The following ST6GALNAC3 variants were observed in gnomAD, a reference collection of about 807,000 sequenced individuals.
The protein encoded by ST6GALNAC3 is ST6 N-acetylgalactosaminide alpha-2,6-sialyltransferase 3.
Under a neutral mutation model 32.7 loss-of-function variants are expected in ST6GALNAC3, and 25 were observed. That is an observed-to-expected ratio of 0.76 (90% CI 0.56 to 1.07). The LOEUF (loss-of-function observed/expected upper bound fraction) is 1.07. ST6GALNAC3 is among the 50% of genes least tolerant of loss of function. The pLI is 0.00. For synonymous variants in ST6GALNAC3, 129 were observed against 133.1 expected (o/e 0.97, Z 0.21); for missense variants, 355 against 382.4 (o/e 0.93, Z 0.60).
chr1:76,399,348 A>C (rs927514057), intron 2 of ST6GALNAC3, among the ~76,000 whole-genome samples: 23 of 152,300 alleles, frequency 1.5e-4, no homozygotes, highest in African/African-American at 5.5e-4. Context: ...CCTAGAACTG[A>C]AATTTGTGTA....
chr1:76,101,072 A>G (rs1647213573), intron 1 of ST6GALNAC3, among the ~76,000 whole-genome samples: 1 of 152,084 alleles, frequency 6.6e-6, no homozygotes, highest in Non-Finnish European at 1.5e-5. Flanking sequence ...TTGGTGTTGT[A>G]CATCCTATGA....
chr1:76,523,715 C>T (rs1269657897), intron 3 of ST6GALNAC3, among the ~76,000 whole-genome samples: 4 of 152,134 alleles, frequency 2.6e-5, no homozygotes, highest in Non-Finnish European at 4.4e-5. Flanking sequence ...TGTCCCACTC[C>T]ACCACTCAGG....
At position 76,619,116 on chromosome 1, in the gene ST6GALNAC3, A is replaced by G. The variant is rs75683530; in HGVS notation, c.624-8336A>G. 5.2e-3 allele frequency among the ~76,000 whole-genome samples: 795 copies of G among 152,266 alleles called. 10 individuals carry two copies. Among genetic ancestry groups the G allele is most frequent in the African/African-American group, 0.018 (745 of 41,560 alleles). On this transcript the variant is annotated intron_variant, in intron 3 of 4. Transcript: ENST00000328299. Reference sequence around the variant, plus strand: ...AGTTATTTTGGGTACAGACAGGATAAGAGGGTATATAATACCATTCCTTCT... The same window carrying G: ...AGTTATTTTGGGTACAGACAGGATAGGAGGGTATATAATACCATTCCTTCT...
Position 76,173,091 on chromosome 1 carries a change from C to T in ST6GALNAC3, c.18+98207C>T, listed in dbSNP as rs1309300068. ...TGCCACCTGACTTCAAATTATACTA[C>T]AAGGCTACAGTAACCAAAACAGCAT... is the stretch of plus-strand genomic sequence containing the variant. On this transcript the variant is annotated intron_variant, in intron 1 of 4. Transcript: ENST00000328299. Among the ~76,000 whole-genome samples, 5 of 152,196 alleles carry T rather than the reference C, an allele frequency of 3.3e-5. 1 individual carries two copies.
chr1:76,177,494 T>G (rs1379775333), intron 1 of ST6GALNAC3, among the ~76,000 whole-genome samples: 2 of 152,162 alleles, frequency 1.3e-5, no homozygotes, highest in African/African-American at 2.4e-5. Flanking sequence ...TAGATCTTTA[T>G]TAAATACTGG....
At chr1:76,173,521 A>T (rs1191726360) in intron 1 of ST6GALNAC3, among the ~76,000 whole-genome samples, 1 of 152,230 alleles carries the variant, frequency 6.6e-6, no homozygotes, top group Non-Finnish European at 1.5e-5. Flanking sequence ...TGCACAGCAA[A>T]AGAAACTATT....
chr1:76,324,590 C>G (rs905336689), intron 2 of ST6GALNAC3, among the ~76,000 whole-genome samples: 1 of 152,178 alleles, frequency 6.6e-6, no homozygotes, highest in East Asian at 1.9e-4. Flanking sequence ...CTCCTCTAAA[C>G]TGTTCAGGTT....
intron 3 of ST6GALNAC3, among the ~76,000 whole-genome samples, chr1:76,553,652 T>C (rs1664759240): frequency 6.7e-6 from 1 of 149,512 alleles, no homozygotes; most frequent in Non-Finnish European, 1.5e-5. Context: ...TCTTATTCCC[T>C]TACAGCCACT....
At position 76,528,862 on chromosome 1, in the gene ST6GALNAC3, A is replaced by G. The variant is rs77944318; in HGVS notation, c.624-98590A>G. On this transcript the variant is annotated intron_variant, in intron 3 of 4. Coordinates refer to ENST00000328299, the MANE Select transcript of ST6GALNAC3 (RefSeq NM_152996.4). ...ATAACAAGGCAACATTAAGGAAGCT[A>G]TTAATATATTGAACATGACTGAAGC... 3.8e-4 allele frequency among the ~76,000 whole-genome samples: 57 copies of G among 150,948 alleles called. No homozygotes were observed. The East Asian group carries it at 0.011, about 28-fold the overall frequency.
At chr1:76,094,252 T>A (rs1647092434) in intron 1 of ST6GALNAC3, among the ~76,000 whole-genome samples, 1 of 152,136 alleles carries the variant, frequency 6.6e-6, no homozygotes, top group Non-Finnish European at 1.5e-5. Flanking sequence ...GCGAGGGAGA[T>A]CACGGTCAAG....
chr1:76,540,179 A>G (rs1663901654), intron 3 of ST6GALNAC3, among the ~76,000 whole-genome samples: 1 of 152,200 alleles, frequency 6.6e-6, no homozygotes, highest in Non-Finnish European at 1.5e-5. Flanking sequence ...TGCAGCCATA[A>G]AAAATACTGA....
chr1:76,192,072 C>T (rs1435743427), intron 1 of ST6GALNAC3, among the ~76,000 whole-genome samples: 3 of 152,060 alleles, frequency 2.0e-5, no homozygotes, highest in African/African-American at 4.8e-5. Context: ...ATTCAAAACA[C>T]CTTTCAGATA....
chr1:76,339,650 G>T (rs1432823996), intron 2 of ST6GALNAC3, among the ~76,000 whole-genome samples: 1 of 152,110 alleles, frequency 6.6e-6, no homozygotes, highest in African/African-American at 2.4e-5. Context: ...TCATTTATTT[G>T]TTCCTTTATT....
rs1178004990 is a variant in ST6GALNAC3, at chr1:76,605,861, T to TTAA, written c.624-21591_624-21590insTAA. Among the ~76,000 whole-genome samples, 5 of 58,898 alleles carry TTAA rather than the reference T, an allele frequency of 8.5e-5. No individual in the cohort carries two copies. The East Asian group carries it at 2.9e-3, about 35-fold the overall frequency. 38.6% of individuals were successfully genotyped at this position (58,898 alleles called of 152,430 possible). On this transcript the variant is annotated intron_variant, in intron 3 of 4. Coordinates refer to ENST00000328299, the MANE Select transcript of ST6GALNAC3 (RefSeq NM_152996.4). The stretch of plus-strand genomic sequence containing the variant: ...TCCTGGGTAATAGAGGGAGACTCCA[T>TTAA]AAAAAAAAAAAAAAAAAAAAAAAAA...
rs186439139 is a variant in ST6GALNAC3 at position 76,543,726 on chromosome 1, C to T, written c.624-83726C>T. On this transcript the variant is annotated intron_variant, in intron 3 of 4. Transcript: ENST00000328299. ...GCACCTCCCACAGACTCACAAAGGC[C>T]ATTTGCATAACTCCCATGCCTCCTA... 4.9e-4 allele frequency among the ~76,000 whole-genome samples: 74 copies of T among 152,236 alleles called. No individual in the cohort carries two copies. The Middle Eastern group carries it at 0.014, about 28-fold the overall frequency.
chr1:76,422,433 A>G (rs570616188), intron 3 of ST6GALNAC3, among the ~76,000 whole-genome samples: 1 of 152,050 alleles, frequency 6.6e-6, no homozygotes, highest in Non-Finnish European at 1.5e-5. Flanking sequence ...GGTCTGACTG[A>G]TTTTTATTCT....
At chr1:76,601,841 T>A (rs569591261) in intron 3 of ST6GALNAC3, among the ~76,000 whole-genome samples, 7 of 152,074 alleles carry the variant, frequency 4.6e-5, no homozygotes, top group Admixed American at 4.6e-4. Flanking sequence ...ACATGACCAG[T>A]TGAGAGCAAG....
chr1:76,342,951 A>C (rs760277411), intron 2 of ST6GALNAC3, among the ~76,000 whole-genome samples: 2 of 150,322 alleles, frequency 1.3e-5, no homozygotes, highest in Non-Finnish European at 3.0e-5. Flanking sequence ...GACTTAAGTT[A>C]ATCTTATAGA....
chr1:76,322,621 A>G (rs908577955), intron 2 of ST6GALNAC3, among the ~76,000 whole-genome samples: 1 of 152,194 alleles, frequency 6.6e-6, no homozygotes, highest in African/African-American at 2.4e-5. Context: ...GATGGCATCA[A>G]ATTGTGAGTT....
Sources: gnomAD v4.1 joint callset for allele counts (sites outside exome capture counted in the v4.1 genomes callset) on GRCh38, gnomAD v4.1.1 for gene constraint, MANE v1.5 for transcripts, NCBI Gene and HGNC (gene_info 2026-07-23, HGNC 2026-07-21) for gene names.